The following CSMD1 variants were observed in gnomAD, a reference collection of about 807,000 sequenced individuals.
The protein encoded by CSMD1 is CUB and Sushi multiple domains 1.
In CSMD1, 213 loss-of-function variants were observed where a neutral mutation model predicts 417.5. The observed-to-expected ratio is 0.51, with a 90% CI of 0.46 to 0.57. The LOEUF is 0.57. Among genes scored for constraint, CSMD1 ranks in the 20% least tolerant of loss-of-function variants. The pLI is 0.00. For missense variants in CSMD1, 6,923 were observed against 4,529.7 expected, an observed-to-expected ratio of 1.53 and a Z score of -15.17; for synonymous variants, 2,862 against 1,736.8, an observed-to-expected ratio of 1.65 and a Z score of -16.11.
At chr8:4,590,770 G>C (rs1441023247) in intron 2 of CSMD1, among the ~76,000 whole-genome samples, 1 of 152,074 alleles carries the variant, frequency 6.6e-6, no homozygotes, top group Non-Finnish European at 1.5e-5. Flanking sequence ...GAGGACACTA[G>C]TAACTAAGAT....
chr8:3,193,336 G>A (rs975820085), intron 33 of CSMD1, among the ~76,000 whole-genome samples: 9 of 152,118 alleles, frequency 5.9e-5, no homozygotes, highest in African/African-American at 4.8e-5. Flanking sequence ...ATAACAAGAC[G>A]AAAAATGTTT....
intron 12 of CSMD1, among the ~76,000 whole-genome samples, chr8:3,440,978 T>C (rs1395854427): frequency 1.3e-5 from 2 of 152,156 alleles, no homozygotes; most frequent in Non-Finnish European, 2.9e-5. Flanking sequence ...AGATGGAATG[T>C]AGTTAAACAT....
chr8:4,109,484 C>G (rs181657348), intron 3 of CSMD1, among the ~76,000 whole-genome samples: 78 of 152,234 alleles, frequency 5.1e-4, no homozygotes, highest in African/African-American at 1.8e-3. Flanking sequence ...ACTTTACAAT[C>G]CCATACATGC....
chr8:4,977,288 C>A (rs560379122), intron 1 of CSMD1, among the ~76,000 whole-genome samples: 1 of 152,244 alleles, frequency 6.6e-6, no homozygotes, highest in Admixed American at 6.5e-5. Flanking sequence ...TAACATTCTT[C>A]CTGAAATAAG....
At chr8:3,375,784 C>T (rs1228171157) in intron 18 of CSMD1, among the ~76,000 whole-genome samples, 1 of 152,132 alleles carries the variant, frequency 6.6e-6, no homozygotes, top group African/African-American at 2.4e-5. Flanking sequence ...GAATCTCTGC[C>T]TATGGCCATA....
intron 5 of CSMD1, among the ~76,000 whole-genome samples, chr8:3,837,907 C>A (rs188322591): frequency 9.9e-4 from 150 of 152,224 alleles, no homozygotes; most frequent in African/African-American, 3.4e-3. Flanking sequence ...CTTGGAAATG[C>A]ACAGATGAAT....
At chr8:4,682,850 C>T (rs939431226) in intron 1 of CSMD1, among the ~76,000 whole-genome samples, 1 of 150,120 alleles carries the variant, frequency 6.7e-6, no homozygotes, top group African/African-American at 2.4e-5. Context: ...TGTTTTTATC[C>T]AAAGACTACT....
intron 1 of CSMD1, among the ~76,000 whole-genome samples, chr8:4,696,519 C>A (rs1563161721): frequency 6.6e-6 from 1 of 152,176 alleles, no homozygotes; most frequent in Non-Finnish European, 1.5e-5. Context: ...AGGTCTTAAA[C>A]ATTATCCTAC....
At chr8:3,839,588 T>A (rs1371455861) in intron 5 of CSMD1, among the ~76,000 whole-genome samples, 1 of 133,144 alleles carries the variant, frequency 7.5e-6, no homozygotes, top group Non-Finnish European at 1.6e-5. Context: ...ATTATATATA[T>A]TAATATGATA....
chr8:3,385,068 A>G (rs1333122753), intron 18 of CSMD1, among the ~76,000 whole-genome samples: 1 of 116,288 alleles, frequency 8.6e-6, no homozygotes, highest in African/African-American at 3.5e-5. Context: ...TATAATATAT[A>G]AATATATATA....
chr8:4,636,191 T>C (rs1941094076), intron 2 of CSMD1, among the ~76,000 whole-genome samples: 1 of 152,112 alleles, frequency 6.6e-6, no homozygotes, highest in Non-Finnish European at 1.5e-5. Flanking sequence ...GTAATCTATA[T>C]AAGTTAATTT....
At chr8:4,035,976 AC>A (rs1467834730) in intron 3 of CSMD1, among the ~76,000 whole-genome samples, 3 of 151,868 alleles carry the variant, frequency 2.0e-5, no homozygotes, top group Non-Finnish European at 2.9e-5. Context: ...AGAGTGTAAC[AC>A]TTTTTTTTAT....
At chr8:4,608,289 G>T (rs552047915) in intron 2 of CSMD1, among the ~76,000 whole-genome samples, 1 of 152,306 alleles carries the variant, frequency 6.6e-6, no homozygotes, top group East Asian at 1.9e-4. Context: ...GGGCTAAGGA[G>T]GCCCAAGGGC....
chr8:3,559,189 G>C (rs1462448236), intron 10 of CSMD1, among the ~76,000 whole-genome samples: 1 of 152,202 alleles, frequency 6.6e-6, no homozygotes, highest in Non-Finnish European at 1.5e-5. Flanking sequence ...TATGGTATGT[G>C]TTTGGGCAAT....
At chr8:4,009,996 C>G (rs1321275047) in intron 4 of CSMD1, among the ~76,000 whole-genome samples, 3 of 152,206 alleles carry the variant, frequency 2.0e-5, no homozygotes, top group Non-Finnish European at 4.4e-5. Context: ...ACCCCCTAAT[C>G]TTAATTCTTC....
chr8:4,110,986 G>A (rs932953788), intron 3 of CSMD1, among the ~76,000 whole-genome samples: 8 of 152,004 alleles, frequency 5.3e-5, no homozygotes, highest in African/African-American at 1.9e-4. Context: ...AATCTGAGCT[G>A]GAACAAGCTC....
chr8:4,547,120 A>T (rs1450126448), intron 2 of CSMD1, among the ~76,000 whole-genome samples: 1 of 152,158 alleles, frequency 6.6e-6, no homozygotes, highest in Non-Finnish European at 1.5e-5. Context: ...TGCATCCCCC[A>T]GACCTGTTTC....
chr8:3,222,711 T>TA (rs1230597605), intron 28 of CSMD1, among the ~76,000 whole-genome samples: 2 of 152,192 alleles, frequency 1.3e-5, no homozygotes, highest in African/African-American at 4.8e-5. Flanking sequence ...CATAGATATC[T>TA]AAAAAATATA....
Position 3,434,040 on chromosome 8 carries a change from C to T in CSMD1, c.1562-24435G>A, listed in dbSNP as rs113648496. On this transcript the variant is annotated intron_variant, in intron 12 of 69. Coordinates refer to ENST00000635120, the MANE Select transcript of CSMD1 (RefSeq NM_033225.6). ...GCTTTCTCATGAACTACAACAATCG[C>T]ATCATTCCTGGCATTCTTTGATTAT... 1.2e-3 allele frequency among the ~76,000 whole-genome samples: 177 copies of T among 152,316 alleles called. 2 individuals are homozygous for T. Among genetic ancestry groups the T allele is most frequent in the African/African-American group, 3.9e-3 (162 of 41,562 alleles).
Sources: gnomAD v4.1 joint callset for allele counts (sites outside exome capture counted in the v4.1 genomes callset) on GRCh38, gnomAD v4.1.1 for gene constraint, MANE v1.5 for transcripts, NCBI Gene and HGNC (gene_info 2026-07-23, HGNC 2026-07-21) for gene names.